Variants in SPPL3 observed in about 807,000 individuals in gnomAD.
SPPL3 encodes the protein signal peptide peptidase like 3.
Under a neutral mutation model 42.4 loss-of-function variants are expected in SPPL3, and 5 were observed. The observed-to-expected ratio is 0.12, with a 90% CI of 0.06 to 0.25. SPPL3 has a LOEUF of 0.25. SPPL3 is among the 10% of genes least tolerant of loss of function. The probability of loss-of-function intolerance (pLI) is 1.00; values close to 1 mark genes in which losing one functional copy is unlikely to be tolerated. For missense variants in SPPL3, 235 were observed against 489.0 expected, an observed-to-expected ratio of 0.48 and a Z score of 4.90; for synonymous variants, 195 against 181.8, an observed-to-expected ratio of 1.07 and a Z score of -0.58.
chr12:120,855,210 C>A (rs1181454332), intron 1 of SPPL3, among the ~76,000 whole-genome samples: 3 of 152,074 alleles, frequency 2.0e-5, no homozygotes, highest in African/African-American at 7.2e-5. Flanking sequence ...AAGTACATCC[C>A]CTCAGTATAA....
At chr12:120,845,633 G>A (rs915174927) in intron 1 of SPPL3, 15 of 425,170 alleles carry the variant, frequency 3.5e-5, no homozygotes, top group Non-Finnish European at 5.4e-5. Flanking sequence ...CCTTGAAGAC[G>A]TTGGCAAAGA....
chr12:120,815,544 T>C (rs1870838128), intron 1 of SPPL3, among the ~76,000 whole-genome samples: 1 of 152,180 alleles, frequency 6.6e-6, no homozygotes. Context: ...TTTGTTTTTG[T>C]ATCCTTTGTA....
intron 2 of SPPL3, among the ~76,000 whole-genome samples, chr12:120,792,990 C>T (rs1869972390): frequency 6.6e-6 from 1 of 152,134 alleles, no homozygotes; most frequent in Non-Finnish European, 1.5e-5. Context: ...AGTCAAAAGA[C>T]AACCCATAGG....
chr12:120,877,665 C>G (rs966970587), intron 1 of SPPL3, among the ~76,000 whole-genome samples: 1 of 151,882 alleles, frequency 6.6e-6, no homozygotes, highest in African/African-American at 2.4e-5. Flanking sequence ...CCTGGAGTCT[C>G]AGCTACTCGG....
intron 1 of SPPL3, among the ~76,000 whole-genome samples, chr12:120,838,469 G>C (rs1871695404): frequency 6.6e-6 from 1 of 152,170 alleles, no homozygotes; most frequent in South Asian, 2.1e-4. Flanking sequence ...ATTTGATTCG[G>C]GGACTTCCAT....
intron 6 of SPPL3, among the ~76,000 whole-genome samples, chr12:120,770,755 T>C (rs2136968415): frequency 6.6e-6 from 1 of 152,284 alleles, no homozygotes; most frequent in East Asian, 1.9e-4. Flanking sequence ...TCTCGTCCAA[T>C]CTCAAGGCTC....
chr12:120,879,331 T>C (rs1230004668), intron 1 of SPPL3, among the ~76,000 whole-genome samples: 1 of 151,966 alleles, frequency 6.6e-6, no homozygotes, highest in Non-Finnish European at 1.5e-5. Context: ...CTGGTCTGTG[T>C]TAGAGAATTC....
intron 6 of SPPL3, among the ~76,000 whole-genome samples, chr12:120,774,843 T>C (rs1869254774): frequency 6.6e-6 from 1 of 152,106 alleles, no homozygotes; most frequent in Non-Finnish European, 1.5e-5. Flanking sequence ...AGACTCTCTC[T>C]TATAGGTTTA....
rs1229478343 is a variant in SPPL3, at chr12:120,764,820, ACAGGGCT to A, written c.*172_*178del. On this transcript the variant is annotated 3_prime_UTR_variant, in exon 11 of 11. Transcript: ENST00000353487. ...CATCCGCAGGAAGAGAAGGAACCAAACAGGGCTCCAGCACCTCTCTCCTGCAAACGAG... is the reference window on the plus strand; with the variant it reads ...CATCCGCAGGAAGAGAAGGAACCAAACCAGCACCTCTCTCCTGCAAACGAG... 1.6e-6 allele frequency: 1 copy of A among 637,288 alleles called. No homozygotes were observed. The highest frequency in any genetic ancestry group is 1.9e-5 in the African/African-American group (1 of 53,926). The allele number at this position is 637,288 out of a possible 1,614,324, so 39.5% of individuals were successfully genotyped here. A position where few individuals can be genotyped will look rare whatever the true frequency, so the allele number is the denominator to read the frequency against.
chr12:120,896,870 T>C (rs1448043385), intron 1 of SPPL3, among the ~76,000 whole-genome samples: 1 of 152,142 alleles, frequency 6.6e-6, no homozygotes, highest in African/African-American at 2.4e-5. Flanking sequence ...GAAGGAACCA[T>C]TAAACTCTAG....
intron 1 of SPPL3, among the ~76,000 whole-genome samples, chr12:120,815,605 C>G (rs192393204): frequency 2.1e-3 from 314 of 152,286 alleles, no homozygotes; most frequent in African/African-American, 7.3e-3. Context: ...ATCTACACTT[C>G]CCAAATTCAC....
chr12:120,840,544 CA>C (rs1293890202), intron 1 of SPPL3, among the ~76,000 whole-genome samples: 10 of 152,060 alleles, frequency 6.6e-5, no homozygotes, highest in Non-Finnish European at 1.3e-4. Flanking sequence ...ATGATGATTG[CA>C]CAACTAAAAA....
At chr12:120,881,614 T>C (rs59757908) in intron 1 of SPPL3, among the ~76,000 whole-genome samples, 13,224 of 150,418 alleles carry the variant, frequency 0.088, 1,747 homozygotes, top group African/African-American at 0.29. Flanking sequence ...CCAATATTCA[T>C]TGTATTACTC....
intron 6 of SPPL3, among the ~76,000 whole-genome samples, chr12:120,771,811 C>A (rs932880979): frequency 4.6e-5 from 7 of 152,232 alleles, no homozygotes; most frequent in Non-Finnish European, 1.0e-4. Flanking sequence ...CACTGTACAG[C>A]CCAAGCCCTC....
intron 1 of SPPL3, among the ~76,000 whole-genome samples, chr12:120,862,362 C>T (rs1872638125): frequency 6.6e-6 from 1 of 152,116 alleles, no homozygotes. Flanking sequence ...AAAGGTGTCA[C>T]AGGCCCTGCA....
intron 1 of SPPL3, among the ~76,000 whole-genome samples, chr12:120,897,088 A>C (rs988716620): frequency 6.6e-6 from 1 of 152,206 alleles, no homozygotes; most frequent in Non-Finnish European, 1.5e-5. Context: ...ATGAGAACTA[A>C]TTTATTAATG....
At chr12:120,786,960 G>C (rs2136981907) in intron 3 of SPPL3, among the ~76,000 whole-genome samples, 1 of 152,270 alleles carries the variant, frequency 6.6e-6, no homozygotes, top group East Asian at 1.9e-4. Context: ...ATAGGAAATA[G>C]GCTTGGTAAT....
At chr12:120,881,844 A>T (rs1053665556) in intron 1 of SPPL3, among the ~76,000 whole-genome samples, 13 of 151,772 alleles carry the variant, frequency 8.6e-5, no homozygotes, top group African/African-American at 2.7e-4. Context: ...CATTTATATG[A>T]GGTACCTAGC....
At chr12:120,852,892 T>A (rs1382698012) in intron 1 of SPPL3, among the ~76,000 whole-genome samples, 1 of 106,896 alleles carries the variant, frequency 9.4e-6, no homozygotes, top group Non-Finnish European at 2.2e-5. Flanking sequence ...ATATATTTCA[T>A]ATATATATAT....
Sources: gnomAD v4.1 joint callset for allele counts (sites outside exome capture counted in the v4.1 genomes callset) on GRCh38, gnomAD v4.1.1 for gene constraint, MANE v1.5 for transcripts, NCBI Gene and HGNC (gene_info 2026-07-23, HGNC 2026-07-21) for gene names.